Variants in FCHSD2 observed in about 807,000 individuals in gnomAD.
The protein encoded by FCHSD2 is FCH and double SH3 domains 2.
FCHSD2 carries 38 observed loss-of-function variants against 108.1 expected under a neutral mutation model. The observed-to-expected ratio is 0.35, with a 90% CI of 0.27 to 0.46. The LOEUF is 0.46. Ranked by LOEUF, FCHSD2 falls within the 20% of genes least tolerant of loss-of-function variation. The pLI, the probability that FCHSD2 is intolerant of heterozygous loss-of-function variation, is 1.00. For missense variants in FCHSD2, 751 were observed against 897.8 expected (o/e 0.84, Z 2.09); for synonymous variants, 279 against 314.7 (o/e 0.89, Z 1.20).
intron 13 of FCHSD2, among the ~76,000 whole-genome samples, chr11:72,861,419 C>T (rs1861571750): frequency 6.6e-6 from 1 of 151,204 alleles, no homozygotes. Context: ...AACTCCAGGA[C>T]CAGATAACAG....
chr11:73,003,186 T>C (rs1660492511), intron 4 of FCHSD2, among the ~76,000 whole-genome samples: 1 of 152,132 alleles, frequency 6.6e-6, no homozygotes, highest in African/African-American at 2.4e-5. Flanking sequence ...AGACCTAAGT[T>C]CAAGTTCTAG....
chr11:72,888,533 A>T (rs1477203811), intron 11 of FCHSD2, among the ~76,000 whole-genome samples: 1 of 152,238 alleles, frequency 6.6e-6, no homozygotes, highest in Non-Finnish European at 1.5e-5. Context: ...GGTATCAATA[A>T]ATGAAACAGA....
chr11:72,903,879 T>C (rs1855577755), intron 9 of FCHSD2, among the ~76,000 whole-genome samples: 2 of 152,188 alleles, frequency 1.3e-5, no homozygotes, highest in South Asian at 4.1e-4. Context: ...CCCATTTCTC[T>C]ACTGCTTCCC....
chr11:73,082,344 AAAAAAAAAAAAAAAAAAAG>A (rs1199641076), intron 3 of FCHSD2, among the ~76,000 whole-genome samples: 1 of 127,618 alleles, frequency 7.8e-6, no homozygotes, highest in Non-Finnish European at 1.8e-5. Context: ...CCAAAAAAAA[AAAAAAAAAAAAAAAAAAAG>A]AAAAGAAAAA....
At chr11:73,110,778 T>A (rs1478941149) in intron 2 of FCHSD2, among the ~76,000 whole-genome samples, 5 of 152,184 alleles carry the variant, frequency 3.3e-5, no homozygotes, top group African/African-American at 7.2e-5. Flanking sequence ...CTGAAGATTT[T>A]TTTTTCTTGT....
At chr11:72,908,361 T>C (rs1241728911) in intron 9 of FCHSD2, among the ~76,000 whole-genome samples, 6 of 152,184 alleles carry the variant, frequency 3.9e-5, no homozygotes, top group Admixed American at 6.5e-5. Context: ...AGATATCTCT[T>C]TGATATATTG....
chr11:73,097,452 T>C (rs1860114219), intron 2 of FCHSD2, among the ~76,000 whole-genome samples: 1 of 151,722 alleles, frequency 6.6e-6, no homozygotes. Context: ...ATCTGTTTGA[T>C]TTTTGTATAA....
intron 9 of FCHSD2, among the ~76,000 whole-genome samples, chr11:72,908,408 T>C (rs1451732234): frequency 3.3e-5 from 5 of 152,220 alleles, no homozygotes; most frequent in African/African-American, 1.2e-4. Flanking sequence ...AGCAGTGAGA[T>C]TGCTGAATCA....
intron 8 of FCHSD2, among the ~76,000 whole-genome samples, chr11:72,968,389 A>T (rs1001936372): frequency 6.6e-6 from 1 of 152,162 alleles, no homozygotes; most frequent in African/African-American, 2.4e-5. Context: ...AGAAACGGTT[A>T]CTCCTCTCCA....
intron 3 of FCHSD2, among the ~76,000 whole-genome samples, chr11:73,053,092 C>T (rs1246565852): frequency 2.7e-5 from 4 of 150,730 alleles, no homozygotes; most frequent in Non-Finnish European, 5.9e-5. Context: ...GTGATCTGCC[C>T]ACCTCAGCCT....
intron 2 of FCHSD2, among the ~76,000 whole-genome samples, chr11:73,094,298 A>T (rs965731908): frequency 2.6e-5 from 4 of 152,212 alleles, no homozygotes; most frequent in Non-Finnish European, 5.9e-5. Context: ...GATAAAGGGC[A>T]ATGGAACTCT....
chr11:72,878,295 A>G (rs886229859), intron 12 of FCHSD2, among the ~76,000 whole-genome samples: 5 of 152,222 alleles, frequency 3.3e-5, no homozygotes, highest in African/African-American at 1.2e-4. Flanking sequence ...GTCTCTAAAA[A>G]TAAGTAAAAT....
At chr11:73,061,354 G>A (rs912209254) in intron 3 of FCHSD2, among the ~76,000 whole-genome samples, 2 of 152,200 alleles carry the variant, frequency 1.3e-5, no homozygotes, top group Admixed American at 6.5e-5. Context: ...AGAGCCCTGG[G>A]TTTCAAGTAC....
At chr11:72,857,386 T>C (rs1861452064) in intron 13 of FCHSD2, among the ~76,000 whole-genome samples, 1 of 152,052 alleles carries the variant, frequency 6.6e-6, no homozygotes, top group African/African-American at 2.4e-5. Context: ...CTATTCTTTC[T>C]AGCCATACTA....
rs187360828 is a variant in FCHSD2, at chr11:72,925,685, G to A, written c.706-3735C>T. ...TATCCCAGGGTCCACCAGTAGACAC[G>A]ATTATCGAAATGGCTGCCAAAGCCT... On this transcript the variant is annotated intron_variant, in intron 8 of 19. Transcript: ENST00000409418. Among the ~76,000 whole-genome samples the A allele has an allele frequency of 1.4e-4, 22 of 152,306 alleles. No homozygotes were observed. The East Asian group carries it at 3.7e-3, about 25-fold the overall frequency.
intron 9 of FCHSD2, among the ~76,000 whole-genome samples, chr11:72,917,565 T>C (rs984277032): frequency 1.3e-5 from 2 of 152,190 alleles, no homozygotes; most frequent in African/African-American, 4.8e-5. Flanking sequence ...GTTTAAACTA[T>C]TCATGGTCCC....
At chr11:72,952,159 T>C (rs958410402) in intron 8 of FCHSD2, among the ~76,000 whole-genome samples, 4 of 152,128 alleles carry the variant, frequency 2.6e-5, no homozygotes, top group Admixed American at 2.6e-4. Flanking sequence ...CTTATATTGG[T>C]CTTGCTTGGT....
At chr11:73,129,239 G>C (rs997551334) in intron 2 of FCHSD2, among the ~76,000 whole-genome samples, 1 of 152,128 alleles carries the variant, frequency 6.6e-6, no homozygotes. Context: ...CATAATTTGT[G>C]AACTAGAATT....
chr11:72,978,981 C>T (rs767947428), intron 8 of FCHSD2, among the ~76,000 whole-genome samples: 1 of 151,806 alleles, frequency 6.6e-6, no homozygotes, highest in African/African-American at 2.4e-5. Context: ...CTCAGCCTCC[C>T]TGAGTAGCTG....
Sources: allele counts gnomAD v4.1 joint callset (sites outside exome capture counted in the v4.1 genomes callset), GRCh38; gene constraint gnomAD v4.1.1; transcripts MANE v1.5; gene names NCBI Gene and HGNC (gene_info 2026-07-23, HGNC 2026-07-21).